The following CTNND2 variants were observed in gnomAD, a reference collection of about 807,000 sequenced individuals.
CTNND2 encodes catenin delta 2.
Under a neutral mutation model 144.4 loss-of-function variants are expected in CTNND2, and 22 were observed. The ratio of observed to expected loss-of-function variants is 0.15; its 90% CI spans 0.11 to 0.22. CTNND2 has a LOEUF of 0.22. CTNND2 is among the 10% of genes least tolerant of loss of function. CTNND2 has a pLI of 1.00. For synonymous variants in CTNND2, 751 were observed against 695.6 expected, an observed-to-expected ratio of 1.08 and a Z score of -1.25; for missense variants, 1,353 against 1,618.8, an observed-to-expected ratio of 0.84 and a Z score of 2.82.
chr5:11,473,593 C>T (rs1188407180), intron 3 of CTNND2, among the ~76,000 whole-genome samples: 1 of 152,156 alleles, frequency 6.6e-6, no homozygotes, highest in African/African-American at 2.4e-5. Flanking sequence ...TCAACAACTA[C>T]AGGAAATGGC....
chr5:11,617,202 A>C (rs546229615), intron 2 of CTNND2, among the ~76,000 whole-genome samples: 1 of 152,280 alleles, frequency 6.6e-6, no homozygotes, highest in South Asian at 2.1e-4. Flanking sequence ...CCCTTACACA[A>C]ATGCTCCTAT....
chr5:11,845,257 T>A (rs1039033999), intron 1 of CTNND2, among the ~76,000 whole-genome samples: 1 of 152,214 alleles, frequency 6.6e-6, no homozygotes. Context: ...TTAACTGCTA[T>A]ATCACTCACC....
intron 3 of CTNND2, among the ~76,000 whole-genome samples, chr5:11,478,044 G>C (rs1767922315): frequency 6.6e-6 from 1 of 151,998 alleles, no homozygotes; most frequent in Admixed American, 6.5e-5. Flanking sequence ...GACATGACTT[G>C]GTAAAAATTC....
At chr5:11,122,365 A>G (rs914621747) in intron 12 of CTNND2, among the ~76,000 whole-genome samples, 11 of 152,150 alleles carry the variant, frequency 7.2e-5, no homozygotes, top group African/African-American at 2.7e-4. Flanking sequence ...AGCCAGTCAG[A>G]TATTTCCCAG....
chr5:11,737,696 G>A (rs1359697056), intron 1 of CTNND2, among the ~76,000 whole-genome samples: 1 of 152,172 alleles, frequency 6.6e-6, no homozygotes, highest in Non-Finnish European at 1.5e-5. Context: ...CTGTATTGGA[G>A]ATGGAGCCTT....
At chr5:11,620,327 T>C (rs1780771371) in intron 2 of CTNND2, among the ~76,000 whole-genome samples, 1 of 152,128 alleles carries the variant, frequency 6.6e-6, no homozygotes, top group South Asian at 2.1e-4. Flanking sequence ...ATCACATCAC[T>C]GCCTCCTCTA....
chr5:11,001,494 T>C (rs1481199440), intron 18 of CTNND2, among the ~76,000 whole-genome samples: 1 of 152,062 alleles, frequency 6.6e-6, no homozygotes, highest in Non-Finnish European at 1.5e-5. Flanking sequence ...AGGTGCCTAA[T>C]CAATGCTAGC....
chr5:11,195,409 A>C (rs1359705752), intron 11 of CTNND2, among the ~76,000 whole-genome samples: 1 of 152,214 alleles, frequency 6.6e-6, no homozygotes, highest in Admixed American at 6.5e-5. Context: ...GATCTTGGAA[A>C]CAGAAGTTCT....
chr5:11,332,003 T>C (rs1753192121), intron 9 of CTNND2, among the ~76,000 whole-genome samples: 1 of 152,094 alleles, frequency 6.6e-6, no homozygotes, highest in African/African-American at 2.4e-5. Flanking sequence ...AGGCCGGGCA[T>C]GGTGGCTCAT....
chr5:11,685,399 A>C (rs1445111299), intron 2 of CTNND2, among the ~76,000 whole-genome samples: 1 of 152,208 alleles, frequency 6.6e-6, no homozygotes, highest in African/African-American at 2.4e-5. Flanking sequence ...TACAACAAAT[A>C]CATAATTACT....
intron 3 of CTNND2, among the ~76,000 whole-genome samples, chr5:11,501,435 C>G (rs1477904413): frequency 6.6e-6 from 1 of 152,180 alleles, no homozygotes; most frequent in East Asian, 1.9e-4. Flanking sequence ...TACTGGGTCT[C>G]TCACCTGACC....
rs542494480 is a variant in CTNND2 at position 11,029,677 on chromosome 5, A to C, written c.2789-6698T>G. On this transcript the variant is annotated intron_variant, in intron 16 of 21. Transcript: ENST00000304623. ...CGAATTATGTAGAAAATTTCTCTTT[A>C]ATTATGTAGAAAAAAATGTGGAGTT... Among the ~76,000 whole-genome samples, 96 of 152,350 alleles carry C rather than the reference A, an allele frequency of 6.3e-4. 1 individual carries two copies. The South Asian group carries it at 0.019, about 30-fold the overall frequency.
rs954732794 is a variant in CTNND2, at chr5:11,116,265, G to A, written c.2277+1185C>T. On this transcript the variant is annotated intron_variant, in intron 13 of 21. Transcript: ENST00000304623. ...CAATTTTGCTCCCTGCAGGACATGT[G>A]GCAATGTCTGGAGACACTGTTGTTT... Among the ~76,000 whole-genome samples, 7 of 152,294 alleles carry A rather than the reference G, an allele frequency of 4.6e-5. No homozygotes were observed. The East Asian group carries it at 1.2e-3, about 25-fold the overall frequency.
intron 11 of CTNND2, among the ~76,000 whole-genome samples, chr5:11,165,363 A>G (rs1329212341): frequency 6.6e-6 from 1 of 152,208 alleles, no homozygotes; most frequent in Non-Finnish European, 1.5e-5. Flanking sequence ...TAAAATTTCA[A>G]TCTGAGGAAA....
At chr5:11,048,111 G>A (rs1338169406) in intron 16 of CTNND2, among the ~76,000 whole-genome samples, 1 of 152,124 alleles carries the variant, frequency 6.6e-6, no homozygotes, top group Non-Finnish European at 1.5e-5. Context: ...CTTGAGGCAA[G>A]GAAATACAGG....
At chr5:11,650,838 A>G (rs1019505541) in intron 2 of CTNND2, among the ~76,000 whole-genome samples, 2 of 152,222 alleles carry the variant, frequency 1.3e-5, no homozygotes, top group African/African-American at 4.8e-5. Context: ...GGCTGCTTCT[A>G]TCAGCATATG....
chr5:11,087,764 T>C (rs1003495264), intron 15 of CTNND2, among the ~76,000 whole-genome samples: 2 of 152,232 alleles, frequency 1.3e-5, no homozygotes, highest in African/African-American at 2.4e-5. Flanking sequence ...TTTGTTGCTG[T>C]TGTTTCTTTG....
At chr5:11,833,353 A>G (rs563375135) in intron 1 of CTNND2, among the ~76,000 whole-genome samples, 1 of 152,202 alleles carries the variant, frequency 6.6e-6, no homozygotes, top group Admixed American at 6.5e-5. Context: ...CATTATGCTG[A>G]GTGAAAAAAG....
intron 1 of CTNND2, among the ~76,000 whole-genome samples, chr5:11,857,806 C>A (rs1399370627): frequency 6.6e-6 from 1 of 152,146 alleles, no homozygotes; most frequent in African/African-American, 2.4e-5. Flanking sequence ...TGTGATCGTG[C>A]ATGAGCATAT....
Sources: allele counts gnomAD v4.1 joint callset (sites outside exome capture counted in the v4.1 genomes callset), GRCh38; gene constraint gnomAD v4.1.1; transcripts MANE v1.5; gene names NCBI Gene and HGNC (gene_info 2026-07-23, HGNC 2026-07-21).